Variants in TMEM106B observed in about 807,000 individuals in gnomAD.
The protein encoded by TMEM106B is transmembrane protein 106B.
A neutral mutation model predicts 31.1 loss-of-function variants in TMEM106B; 15 were observed. That is an observed-to-expected ratio of 0.48 (90% CI 0.32 to 0.74). The LOEUF is 0.74. TMEM106B is among the 30% of genes least tolerant of loss of function. TMEM106B has a pLI of 0.03. For synonymous variants in TMEM106B, 126 were observed against 112.5 expected (o/e 1.12, Z -0.76); for missense variants, 283 against 327.3 (o/e 0.86, Z 1.04).
rs574325126 is a variant in TMEM106B, at chr7:12,233,719, CCTGA to C, written c.*1747_*1750del. ...TTTTCATTTTTCTTCTGCTACGTTTCCTGACTACTACTGCATACTTCTCTGATAC... is the reference window on the plus strand; with the variant it reads ...TTTTCATTTTTCTTCTGCTACGTTTCCTACTACTGCATACTTCTCTGATAC... On this transcript the variant is annotated 3_prime_UTR_variant, in exon 8 of 8. Transcript: ENST00000396668. 7.4e-4 allele frequency: 111 copies of C among 150,448 alleles called. 1 individual carries two copies. The highest frequency in any genetic ancestry group is 2.5e-3 in the African/African-American group (104 of 41,240). 9.3% of individuals were successfully genotyped at this position (150,448 alleles called of 1,614,324 possible). A position where few individuals can be genotyped will look rare whatever the true frequency, so the allele number is the denominator to read the frequency against.
At chr7:12,231,408 A>G (rs1347669308) in intron 7 of TMEM106B, 1 of 301,648 alleles carries the variant, frequency 3.3e-6, no homozygotes, top group East Asian at 7.1e-5. Flanking sequence ...TCCCTTGACA[A>G]ATAGTCATTA....
chr7:12,234,988 C>T lies in TMEM106B; in HGVS notation c.*3013C>T, dbSNP rs1782101484. 6.6e-6 allele frequency: 1 copy of T among 151,778 alleles called. No homozygotes were observed. Among genetic ancestry groups the T allele is most frequent in the Admixed American group, 6.6e-5 (1 of 15,204 alleles). 9.4% of individuals were successfully genotyped at this position (151,778 alleles called of 1,614,324 possible). The stretch of plus-strand genomic sequence containing the variant: ...TATCTCTGTCTCCCATATCTGTGTT[C>T]TATCATTTAAAATATATATTGGAAA... On this transcript the variant is annotated 3_prime_UTR_variant, in exon 8 of 8. Transcript: ENST00000396668.
chr7:12,229,942 T>C, intron 5 of TMEM106B, 123 bp downstream of exon 5: 1 of 1,125,016 alleles, frequency 8.9e-7, no homozygotes, highest in Non-Finnish European at 1.2e-6. Context: ...CTCTGCTGGG[T>C]ACAGTGGCTC....
intron 4 of TMEM106B, among the ~76,000 whole-genome samples, chr7:12,229,128 T>A (rs1363310621): frequency 2.0e-5 from 3 of 152,144 alleles, no homozygotes; most frequent in Non-Finnish European, 4.4e-5. Context: ...TATTTAACAT[T>A]TTTAAATTTT....
Position 12,232,119 on chromosome 7 carries a change from C to A in TMEM106B, c.*144C>A, listed in dbSNP as rs754421180. Reference sequence around the variant, plus strand: ...AGAGTACAGTTAAAAGTATGTGGACCTGCAGTTCTTGTAACTCTCCACTCT... The same window carrying A: ...AGAGTACAGTTAAAAGTATGTGGACATGCAGTTCTTGTAACTCTCCACTCT... On this transcript the variant is annotated 3_prime_UTR_variant, in exon 8 of 8. Transcript: ENST00000396668. 7.7e-6 allele frequency: 5 copies of A among 647,850 alleles called. No homozygotes were observed. The highest frequency in any genetic ancestry group is 1.2e-5 in the Non-Finnish European group (5 of 406,802). 40.1% of individuals were successfully genotyped at this position (647,850 alleles called of 1,614,324 possible). A position where few individuals can be genotyped will look rare whatever the true frequency, so the allele number is the denominator to read the frequency against.
chr7:12,212,438 G>T (rs560550311), intron 1 of TMEM106B, among the ~76,000 whole-genome samples: 1 of 151,520 alleles, frequency 6.6e-6, no homozygotes, highest in South Asian at 2.1e-4. Flanking sequence ...TGATTTTTTA[G>T]AAGTCATAAA....
chr7:12,229,851 G>A (rs1258201280), intron 5 of TMEM106B, 32 bp downstream of exon 5: 3 of 1,572,904 alleles, frequency 1.9e-6, no homozygotes, highest in African/African-American at 1.4e-5. Flanking sequence ...CTTTGTAAGA[G>A]TTAAATGAAT....
chr7:12,222,277 C>G (rs1231324887), intron 3 of TMEM106B, among the ~76,000 whole-genome samples: 1 of 152,086 alleles, frequency 6.6e-6, no homozygotes, highest in African/African-American at 2.4e-5. Flanking sequence ...TAAGAAAAAT[C>G]ATTACTAGTT....
rs1204242297 is a variant in TMEM106B at position 12,233,858 on chromosome 7, CA to C, written c.*1888del. ...CTCAAAATTTTTAATTATGTGACTT[CA>C]AAAATCACCTGTATCTGTAGTAGGG... On this transcript the variant is annotated 3_prime_UTR_variant, in exon 8 of 8. Coordinates refer to ENST00000396668, the MANE Select transcript of TMEM106B (RefSeq NM_001134232.2). 1.3e-5 allele frequency: 2 copies of C among 151,290 alleles called. No homozygotes were observed. The highest frequency in any genetic ancestry group is 3.0e-5 in the Non-Finnish European group (2 of 67,610). The allele number at this position is 151,290 out of a possible 1,614,324, so 9.4% of individuals were successfully genotyped here.
intron 3 of TMEM106B, among the ~76,000 whole-genome samples, chr7:12,222,215 A>G (rs1327247822): frequency 1.3e-5 from 2 of 152,180 alleles, no homozygotes; most frequent in Admixed American, 6.5e-5. Flanking sequence ...AACTTTCATA[A>G]CTTCATTAGC....
intron 1 of TMEM106B, chr7:12,214,167 C>G (rs971449298): frequency 1.3e-4 from 20 of 152,316 alleles, no homozygotes; most frequent in Admixed American, 1.1e-3. Flanking sequence ...TGGGGAAGAT[C>G]CACATTCTGT....
At position 12,237,467 on chromosome 7, in the gene TMEM106B, TATCTC is replaced by T. The variant is rs1782160920; in HGVS notation, c.*5495_*5499del. ...CTACCTCTGTAATGTCTCTGGAATT[TATCTC>T]ATACGTGAAATTTCCCTTGATATTA... is the stretch of plus-strand genomic sequence containing the variant. On this transcript the variant is annotated 3_prime_UTR_variant, in exon 8 of 8. Transcript: ENST00000396668. 1 of 152,162 alleles carries T rather than the reference TATCTC, an allele frequency of 6.6e-6. No individual in the cohort carries two copies. Among genetic ancestry groups the T allele is most frequent in the African/African-American group, 2.4e-5 (1 of 41,452 alleles). 9.4% of individuals were successfully genotyped at this position (152,162 alleles called of 1,614,324 possible). A position where few individuals can be genotyped will look rare whatever the true frequency, so the allele number is the denominator to read the frequency against.
chr7:12,229,609 A>G, intron 4 of TMEM106B, 70 bp from the exon 5 acceptor site: 1 of 1,216,644 alleles, frequency 8.2e-7, no homozygotes, highest in Non-Finnish European at 1.1e-6. Flanking sequence ...AGCTGAAGTT[A>G]CTTTAATTTT....
chr7:12,221,901 C>A (rs1781796632), intron 3 of TMEM106B, among the ~76,000 whole-genome samples: 1 of 152,068 alleles, frequency 6.6e-6, no homozygotes, highest in African/African-American at 2.4e-5. Context: ...AAAGACCACC[C>A]AATAGGAGCA....
rs1554311710 is a variant in TMEM106B, at chr7:12,237,812, T to TACATACAC, written c.*5841_*5848dup. The TACATACAC allele has an allele frequency of 5.1e-5, 5 of 97,806 alleles. No homozygotes were observed. The East Asian group carries it at 1.2e-3, about 24-fold the overall frequency. 6.1% of individuals were successfully genotyped at this position (97,806 alleles called of 1,614,324 possible). ...ATGGCGAGACCCCATATAAAATATATACATACACACACACACACACACACA... is the reference window on the plus strand; with the variant it reads ...ATGGCGAGACCCCATATAAAATATATACATACACACATACACACACACACACACACACA... On this transcript the variant is annotated 3_prime_UTR_variant, in exon 8 of 8. Coordinates refer to ENST00000396668, the MANE Select transcript of TMEM106B (RefSeq NM_001134232.2).
At position 12,238,268 on chromosome 7, in the gene TMEM106B, T is replaced by C. The variant is rs572452407; in HGVS notation, c.*6293T>C. On this transcript the variant is annotated 3_prime_UTR_variant, in exon 8 of 8. Coordinates refer to ENST00000396668, the MANE Select transcript of TMEM106B (RefSeq NM_001134232.2). Reference sequence around the variant, plus strand: ...TCTTAGCTCATTCATAAGAAACAATTCCTCATCTGTTCAAGTTTTGGCATC... The same window carrying C: ...TCTTAGCTCATTCATAAGAAACAATCCCTCATCTGTTCAAGTTTTGGCATC... 20 of 160,044 alleles carry C rather than the reference T, an allele frequency of 1.2e-4. No homozygotes were observed. In the East Asian group the frequency reaches 3.6e-3, roughly 29 times the overall value. The allele number at this position is 160,044 out of a possible 1,614,324, so 9.9% of individuals were successfully genotyped here.
chr7:12,214,203 C>A (rs1210305355), intron 1 of TMEM106B: 1 of 152,206 alleles, frequency 6.6e-6, no homozygotes, highest in Non-Finnish European at 1.5e-5. Context: ...CTTTCCAGAT[C>A]TTTTCCTAAT....
At chr7:12,221,087 A>AGTTGTGTGTGTGTGTGTGT (rs1554308777) in intron 3 of TMEM106B, among the ~76,000 whole-genome samples, 1 of 149,952 alleles carries the variant, frequency 6.7e-6, no homozygotes, top group African/African-American at 2.5e-5. Context: ...AAGCAAGTAA[A>AGTTGTGTGTGTGTGTGTGT]GTGTGTGTGT....
intron 4 of TMEM106B, among the ~76,000 whole-genome samples, chr7:12,226,931 A>G (rs1455115016): frequency 2.0e-5 from 3 of 151,876 alleles, no homozygotes; most frequent in African/African-American, 7.3e-5. Context: ...TGTTTAAAAC[A>G]TTGGCCAGAC....
Sources: gnomAD v4.1 joint callset for allele counts (sites outside exome capture counted in the v4.1 genomes callset) on GRCh38, gnomAD v4.1.1 for gene constraint, MANE v1.5 for transcripts, NCBI Gene and HGNC (gene_info 2026-07-23, HGNC 2026-07-21) for gene names.